The following RSRC1 variants were observed in gnomAD, a reference collection of about 807,000 sequenced individuals.
The protein encoded by RSRC1 is serine/Arginine-related protein 53.
In RSRC1, 39 loss-of-function variants were observed where a neutral mutation model predicts 49.1. That is an observed-to-expected ratio of 0.79 (90% confidence interval 0.61 to 1.04). The LOEUF is 1.04. Ranked by LOEUF, RSRC1 falls within the 50% of genes least tolerant of loss-of-function variation. RSRC1 has a pLI of 0.00. For synonymous variants in RSRC1, 143 were observed against 130.8 expected (o/e 1.09, Z -0.63); for missense variants, 388 against 402.4 (o/e 0.96, Z 0.31).
intron 3 of RSRC1, among the ~76,000 whole-genome samples, chr3:158,133,773 A>G (rs1053065282): frequency 3.9e-5 from 6 of 152,226 alleles, no homozygotes; most frequent in African/African-American, 1.4e-4. Context: ...TTCAAATACC[A>G]TCTTCTCATT....
intron 3 of RSRC1, among the ~76,000 whole-genome samples, chr3:158,199,261 T>C (rs1310192912): frequency 6.6e-6 from 1 of 152,138 alleles, no homozygotes; most frequent in Non-Finnish European, 1.5e-5. Context: ...AATAAACCTC[T>C]TTCTTTTGTA....
At chr3:158,348,904 T>C (rs903576694) in intron 5 of RSRC1, among the ~76,000 whole-genome samples, 20 of 152,232 alleles carry the variant, frequency 1.3e-4, no homozygotes, top group Non-Finnish European at 2.4e-4. Flanking sequence ...TCATCTAGGT[T>C]GCTGCAAAGG....
At position 158,180,393 on chromosome 3, in the gene RSRC1, C is replaced by CTT. The variant is rs1163298458; in HGVS notation, c.321-22657_321-22656dup. Among the ~76,000 whole-genome samples the CTT allele has an allele frequency of 9.8e-3, 377 of 38,506 alleles. 121 individuals are homozygous for CTT. The highest frequency in any genetic ancestry group is 0.024 in the African/African-American group (291 of 12,202). 25.3% of individuals were successfully genotyped at this position (38,506 alleles called of 152,430 possible). ...AAAGTATGAGGTTTAGGTCGAGGTT[C>CTT]TTTTTTTTTTTTTTTTTTTTTTTGC... On this transcript the variant is annotated intron_variant, in intron 3 of 9. Coordinates refer to ENST00000611884, the MANE Select transcript of RSRC1 (RefSeq NM_001271838.2).
At position 158,321,974 on chromosome 3, in the gene RSRC1, T is replaced by TACACACACACACACAC. The variant is rs71144456; in HGVS notation, c.531+23917_531+23932dup. On this transcript the variant is annotated intron_variant, in intron 5 of 9. Transcript: ENST00000611884. ...ATTAAGAGAAGAAACTTTTAACACC[T>TACACACACACACACAC]ACACACACACACACACACACACACA... Among the ~76,000 whole-genome samples the TACACACACACACACAC allele has an allele frequency of 6.3e-3, 936 of 148,498 alleles. 11 individuals carry two copies. The highest frequency in any genetic ancestry group is 0.022 in the African/African-American group (889 of 40,514).
Position 158,126,863 on chromosome 3 carries a change from TTGAC to T in RSRC1, c.320+2873_320+2876del, listed in dbSNP as rs755786082. Among the ~76,000 whole-genome samples the T allele has an allele frequency of 1.1e-3, 171 of 152,232 alleles. 1 individual carries two copies. Among genetic ancestry groups the T allele is most frequent in the Middle Eastern group, 3.4e-3 (1 of 294 alleles). On this transcript the variant is annotated intron_variant, in intron 3 of 9. Transcript: ENST00000611884. ...ATTTTGCTTGATATAGTGTTCTTGA[TTGAC>T]AGGGTTTTTTTTGTTTTTGTTTTTG...
At chr3:158,111,620 T>C (rs1714416596) in intron 1 of RSRC1, among the ~76,000 whole-genome samples, 1 of 152,268 alleles carries the variant, frequency 6.6e-6, no homozygotes, top group Non-Finnish European at 1.5e-5. Flanking sequence ...TACTTGTTTA[T>C]GGATTTCTTA....
chr3:158,352,596 T>C (rs116077847), intron 5 of RSRC1, among the ~76,000 whole-genome samples: 1 of 152,206 alleles, frequency 6.6e-6, no homozygotes, highest in Non-Finnish European at 1.5e-5. Flanking sequence ...CTCTGACATG[T>C]ATGCTTCCTA....
chr3:158,371,556 A>G (rs577702871), intron 6 of RSRC1, among the ~76,000 whole-genome samples: 61 of 152,002 alleles, frequency 4.0e-4, no homozygotes, highest in African/African-American at 1.4e-3. Context: ...TGTTGCATGT[A>G]TCAGTAGCTT....
chr3:158,294,599 G>C (rs1727131049), intron 4 of RSRC1, among the ~76,000 whole-genome samples: 1 of 151,928 alleles, frequency 6.6e-6, no homozygotes, highest in Non-Finnish European at 1.5e-5. Flanking sequence ...AAAAACCTAA[G>C]ATCTGACTTG....
At chr3:158,311,942 C>T (rs1009170218) in intron 5 of RSRC1, among the ~76,000 whole-genome samples, 5 of 151,838 alleles carry the variant, frequency 3.3e-5, no homozygotes, top group African/African-American at 1.2e-4. Flanking sequence ...AATTGACCAA[C>T]CACTGTGATA....
At chr3:158,496,213 T>C (rs1048788932) in intron 7 of RSRC1, among the ~76,000 whole-genome samples, 3 of 152,196 alleles carry the variant, frequency 2.0e-5, no homozygotes, top group African/African-American at 4.8e-5. Flanking sequence ...TAACTGAATT[T>C]TGATTTTATG....
chr3:158,276,972 T>G (rs1385495010), intron 4 of RSRC1, among the ~76,000 whole-genome samples: 1 of 152,186 alleles, frequency 6.6e-6, no homozygotes, highest in Non-Finnish European at 1.5e-5. Flanking sequence ...TTTAAATGAT[T>G]TAGACCAGAG....
intron 4 of RSRC1, among the ~76,000 whole-genome samples, chr3:158,236,106 AGTCTTGTCT>A (rs1723228316): frequency 6.9e-6 from 1 of 145,586 alleles, no homozygotes; most frequent in Non-Finnish European, 1.5e-5. Context: ...ACAGAGTGAC[AGTCTTGTCT>A]CAAAAAAAAA....
chr3:158,450,317 G>A (rs1292964589), intron 6 of RSRC1, among the ~76,000 whole-genome samples: 1 of 147,484 alleles, frequency 6.8e-6, no homozygotes, highest in Non-Finnish European at 1.5e-5. Flanking sequence ...AATAAACCAT[G>A]GCTTTCTTTT....
At chr3:158,448,338 AC>A (rs1231932844) in intron 6 of RSRC1, among the ~76,000 whole-genome samples, 1 of 151,916 alleles carries the variant, frequency 6.6e-6, no homozygotes, top group Non-Finnish European at 1.5e-5. Context: ...GTATTGTAGT[AC>A]ATGGCATCTT....
At chr3:158,488,311 A>G (rs1346740866) in intron 7 of RSRC1, among the ~76,000 whole-genome samples, 2 of 152,178 alleles carry the variant, frequency 1.3e-5, no homozygotes, top group African/African-American at 2.4e-5. Context: ...AATTTAATTG[A>G]CAGCTTTGTT....
chr3:158,445,712 A>G (rs1025310153), intron 6 of RSRC1, among the ~76,000 whole-genome samples: 4 of 152,236 alleles, frequency 2.6e-5, no homozygotes, highest in East Asian at 3.9e-4. Context: ...CCAATTAAAC[A>G]TTTCCAAAAT....
intron 7 of RSRC1, among the ~76,000 whole-genome samples, chr3:158,485,379 C>T (rs1051044253): frequency 5.3e-5 from 8 of 151,934 alleles, no homozygotes; most frequent in Non-Finnish European, 1.5e-5. Flanking sequence ...ATACACAAAA[C>T]CAAGCTTACT....
At chr3:158,491,669 CAT>C (rs1352731903) in intron 7 of RSRC1, among the ~76,000 whole-genome samples, 1 of 152,112 alleles carries the variant, frequency 6.6e-6, no homozygotes, top group Non-Finnish European at 1.5e-5. Flanking sequence ...TATTTATGGA[CAT>C]GTGTTTGATT....
Sources: allele counts gnomAD v4.1 joint callset (sites outside exome capture counted in the v4.1 genomes callset), GRCh38; gene constraint gnomAD v4.1.1; transcripts MANE v1.5; gene names NCBI Gene and HGNC (gene_info 2026-07-23, HGNC 2026-07-21).